The following RWDD4 variants were observed in gnomAD, a reference collection of about 807,000 sequenced individuals.
RWDD4 encodes the protein RWD domain-containing protein 4.
In RWDD4, 16 loss-of-function variants were observed where a neutral mutation model predicts 30.0. That is an observed-to-expected ratio of 0.53 (90% CI 0.36 to 0.81). The LOEUF (loss-of-function observed/expected upper bound fraction) is 0.81, where lower values mean the gene tolerates loss of function less well. Among genes scored for constraint, RWDD4 ranks in the 30% least tolerant of loss-of-function variants. RWDD4 has a pLI of 0.00. For synonymous variants in RWDD4, 45 were observed against 72.1 expected (o/e 0.62, Z 1.90); for missense variants, 170 against 223.9 (o/e 0.76, Z 1.54).
At chr4:183,656,587 T>A (rs1409947578) in intron 1 of RWDD4, among the ~76,000 whole-genome samples, 2 of 152,220 alleles carry the variant, frequency 1.3e-5, no homozygotes, top group Non-Finnish European at 2.9e-5. Flanking sequence ...AGTTCATCAC[T>A]GTGATCACCG....
At chr4:183,643,479 C>T (rs1183359093) in intron 7 of RWDD4, among the ~76,000 whole-genome samples, 2 of 127,562 alleles carry the variant, frequency 1.6e-5, no homozygotes, top group African/African-American at 5.9e-5. Context: ...CTTACTATTA[C>T]GATGCAAATA....
intron 5 of RWDD4, among the ~76,000 whole-genome samples, chr4:183,648,601 T>C (rs1036151106): frequency 6.6e-6 from 1 of 152,216 alleles, no homozygotes; most frequent in African/African-American, 2.4e-5. Context: ...CTTATCACAC[T>C]AAGACCTAAT....
intron 7 of RWDD4, among the ~76,000 whole-genome samples, chr4:183,645,636 G>A (rs1579124098): frequency 6.6e-6 from 1 of 151,840 alleles, no homozygotes; most frequent in East Asian, 1.9e-4. Context: ...AGGCATGGTG[G>A]CACATGCCTT....
intron 7 of RWDD4, among the ~76,000 whole-genome samples, chr4:183,643,076 A>AAATG (rs1170735096): frequency 3.2e-5 from 4 of 125,892 alleles, no homozygotes; most frequent in African/African-American, 1.2e-4. Flanking sequence ...ATAAATAAAT[A>AAATG]AATAAATAAA....
intron 2 of RWDD4, among the ~76,000 whole-genome samples, chr4:183,652,724 C>T (rs1210481556): frequency 2.0e-5 from 3 of 151,150 alleles, no homozygotes; most frequent in Admixed American, 6.6e-5. Context: ...GCAGGAGAAT[C>T]GCTTGAATCT....
At chr4:183,653,181 T>C (rs1734119046) in intron 2 of RWDD4, among the ~76,000 whole-genome samples, 1 of 152,218 alleles carries the variant, frequency 6.6e-6, no homozygotes, top group South Asian at 2.1e-4. Context: ...ACAGAAGATC[T>C]TCCAGAATCA....
chr4:183,645,672 G>A (rs1733953952), intron 7 of RWDD4, among the ~76,000 whole-genome samples: 1 of 152,048 alleles, frequency 6.6e-6, no homozygotes, highest in Non-Finnish European at 1.5e-5. Context: ...AGGAGGCTGA[G>A]GATCACTTAA....
At chr4:183,657,009 G>C (rs1472087118) in intron 1 of RWDD4, among the ~76,000 whole-genome samples, 6 of 151,708 alleles carry the variant, frequency 4.0e-5, no homozygotes, top group Admixed American at 3.9e-4. Flanking sequence ...CTGGGCTACA[G>C]AGCGAGGCTC....
intron 1 of RWDD4, 126 bp downstream of exon 1, chr4:183,658,803 C>T: frequency 2.4e-6 from 2 of 837,412 alleles, no homozygotes; most frequent in Non-Finnish European, 1.6e-6. Flanking sequence ...GAACTCGGGG[C>T]ACCCCGGCCG....
chr4:183,643,971 G>T (rs1401594882), intron 7 of RWDD4, among the ~76,000 whole-genome samples: 3 of 152,126 alleles, frequency 2.0e-5, no homozygotes, highest in African/African-American at 7.2e-5. Flanking sequence ...CATCTCCCAA[G>T]ATTACTGGTA....
At position 183,651,219 on chromosome 4, in the gene RWDD4, T is replaced by C. The variant is rs766647919; in HGVS notation, c.214A>G (p.Ile72Val). ...LSMNAFFNNT[I>V]SSAVKQSILA... ...CAGTAAAAACAAGACACTACTCACATGGTGTTGTTAAAAAAAGCGTTCATA... is the reference window on the plus strand; with the variant it reads ...CAGTAAAAACAAGACACTACTCACACGGTGTTGTTAAAAAAAGCGTTCATA... The change falls in exon 3 of 8, where the codon ATA (isoleucine) becomes GTA (valine). Residue 72 changes from isoleucine to valine, a missense_variant and splice_region_variant. Coordinates refer to ENST00000326397, the MANE Select transcript of RWDD4 (RefSeq NM_152682.4). 13 of 1,613,264 alleles carry C rather than the reference T, an allele frequency of 8.1e-6. No homozygotes were observed. The highest frequency in any genetic ancestry group is 2.2e-5 in the East Asian group (1 of 44,866).
intron 1 of RWDD4, among the ~76,000 whole-genome samples, chr4:183,658,334 C>A (rs565212618): frequency 6.6e-6 from 1 of 152,162 alleles, no homozygotes; most frequent in African/African-American, 2.4e-5. Flanking sequence ...GCCCGTAGCA[C>A]CCACCCCCCA....
intron 2 of RWDD4, among the ~76,000 whole-genome samples, chr4:183,655,416 G>C (rs1459354997): frequency 6.6e-6 from 1 of 151,724 alleles, no homozygotes; most frequent in Non-Finnish European, 1.5e-5. Flanking sequence ...CGAGTAGCTG[G>C]GACTACAGGC....
At chr4:183,657,393 A>G (rs1377978467) in intron 1 of RWDD4, among the ~76,000 whole-genome samples, 1 of 152,230 alleles carries the variant, frequency 6.6e-6, no homozygotes, top group Non-Finnish European at 1.5e-5. Flanking sequence ...TTGGACAGGT[A>G]CAAAAATAGG....
At chr4:183,656,216 T>C in intron 1 of RWDD4, 1 of 281,270 alleles carries the variant, frequency 3.6e-6, no homozygotes, top group Non-Finnish European at 6.6e-6. Flanking sequence ...AAATCAACCC[T>C]GTCAAGAGGC....
intron 7 of RWDD4, among the ~76,000 whole-genome samples, chr4:183,644,353 A>T (rs1306534671): frequency 1.3e-5 from 2 of 152,250 alleles, no homozygotes; most frequent in Non-Finnish European, 2.9e-5. Flanking sequence ...TGTCTCTTCC[A>T]ATTGTAAGTT....
intron 2 of RWDD4, among the ~76,000 whole-genome samples, chr4:183,652,666 T>C (rs1028096494): frequency 2.0e-5 from 3 of 152,026 alleles, no homozygotes; most frequent in African/African-American, 4.8e-5. Context: ...AAAAATTAGC[T>C]GGGCATGGTG....
At chr4:183,645,081 C>T (rs1733942281) in intron 7 of RWDD4, among the ~76,000 whole-genome samples, 1 of 152,244 alleles carries the variant, frequency 6.6e-6, no homozygotes, top group South Asian at 2.1e-4. Context: ...GCTTGGGCAA[C>T]AGAAACAGAC....
chr4:183,651,594 A>G (rs1342506902), intron 2 of RWDD4, among the ~76,000 whole-genome samples: 1 of 152,190 alleles, frequency 6.6e-6, no homozygotes, highest in Non-Finnish European at 1.5e-5. Context: ...CTTTTCTAGT[A>G]CCACGCCTAC....
Sources: gnomAD v4.1 joint callset for allele counts (sites outside exome capture counted in the v4.1 genomes callset) on GRCh38, gnomAD v4.1.1 for gene constraint, MANE v1.5 for transcripts, NCBI Gene and HGNC (gene_info 2026-07-23, HGNC 2026-07-21) for gene names.